Variants in SLC22A13 observed in about 807,000 individuals in gnomAD.
SLC22A13 encodes the protein solute carrier family 22 member 13, also known as organic anion transporter 10.
SLC22A13 carries 42 observed loss-of-function variants against 49.1 expected under a neutral mutation model. The observed-to-expected ratio is 0.85, with a 90% confidence interval of 0.67 to 1.11. The LOEUF (loss-of-function observed/expected upper bound fraction) is 1.11, where lower values mean the gene tolerates loss of function less well. Ranked by LOEUF, SLC22A13 falls within the 50% of genes least tolerant of loss-of-function variation. SLC22A13 has a pLI of 0.00. For synonymous variants in SLC22A13, 282 were observed against 293.1 expected, an observed-to-expected ratio of 0.96 and a Z score of 0.39; for missense variants, 694 against 712.8, an observed-to-expected ratio of 0.97 and a Z score of 0.30.
Position 38,275,843 on chromosome 3 carries a change from G to A in SLC22A13, c.1023-39G>A, listed in dbSNP as rs180732361. ...AGGCTCTCCCTCTGGGTGGTGTCTCGTCACCCAGCAGTGACAGGAACCCTT... is the reference window on the plus strand; with the variant it reads ...AGGCTCTCCCTCTGGGTGGTGTCTCATCACCCAGCAGTGACAGGAACCCTT... On this transcript the variant is annotated intron_variant, in intron 6 of 9. Coordinates refer to ENST00000311856, the MANE Select transcript of SLC22A13 (RefSeq NM_004256.4). 1,063 of 1,583,596 alleles carry A rather than the reference G, an allele frequency of 6.7e-4. 5 individuals carry two copies. The highest frequency in any genetic ancestry group is 1.7e-3 in the Middle Eastern group (10 of 5,942).
At chr3:38,266,455 A>G (rs1703465642) in intron 1 of SLC22A13, among the ~76,000 whole-genome samples, 1 of 152,038 alleles carries the variant, frequency 6.6e-6, no homozygotes, top group African/African-American at 2.4e-5. Flanking sequence ...CTGTCTGCCC[A>G]TCTGTCCATT....
intron 1 of SLC22A13, among the ~76,000 whole-genome samples, chr3:38,269,112 C>T (rs184756658): frequency 5.5e-4 from 84 of 152,202 alleles, no homozygotes; most frequent in Non-Finnish European, 9.9e-4. Context: ...ACAGAACAAA[C>T]GAGTACTGAT....
chr3:38,266,086 A>C lies in SLC22A13; in HGVS notation c.226A>C (p.Thr76Pro). 6.2e-7 allele frequency: 1 copy of C among 1,614,154 alleles called. No homozygotes were observed. The highest frequency in any genetic ancestry group is 1.1e-5 in the South Asian group (1 of 91,080). Residue 76 changes from threonine to proline, a missense_variant, in exon 1 of 10, where the codon ACT (threonine) becomes CCT (proline). Transcript: ENST00000311856. Reference sequence around the variant, plus strand: ...GCTGGTACTGAGCGTGCCCCTGGACACTGCAGGTCACCCAGAGCCCTGCCT... The same window carrying C: ...GCTGGTACTGAGCGTGCCCCTGGACCCTGCAGGTCACCCAGAGCCCTGCCT... The part of the protein sequence containing the change: ...EQLVLSVPLD[T>P]AGHPEPCLMF...
At chr3:38,274,927 C>T in intron 3 of SLC22A13, 62 bp from the exon 4 acceptor site, 1 of 1,592,328 alleles carries the variant, frequency 6.3e-7, no homozygotes, top group Non-Finnish European at 8.6e-7. Flanking sequence ...AGGGTGGCAT[C>T]TAGGAGTAAT....
rs561894837 is a variant in SLC22A13, at chr3:38,266,306, G to A, written c.378+68G>A. The A allele has an allele frequency of 1.0e-5, 16 of 1,553,176 alleles. No individual in the cohort carries two copies. The East Asian group carries it at 1.8e-4, about 18-fold the overall frequency. On this transcript the variant is annotated intron_variant, in intron 1 of 9. Coordinates refer to ENST00000311856, the MANE Select transcript of SLC22A13 (RefSeq NM_004256.4). ...TGTCAGGTCTTGTGCCTGACTCTTC[G>A]CCCTCAGTCACTGGCTCTGTATCTG...
intron 1 of SLC22A13, among the ~76,000 whole-genome samples, chr3:38,266,868 C>T (rs753032828): frequency 1.3e-5 from 2 of 152,184 alleles, no homozygotes; most frequent in Non-Finnish European, 2.9e-5. Context: ...ATCCTAGCCA[C>T]CTCCGAGCAA....
intron 1 of SLC22A13, among the ~76,000 whole-genome samples, chr3:38,271,165 A>G (rs1703515854): frequency 6.6e-6 from 1 of 152,236 alleles, no homozygotes; most frequent in African/African-American, 2.4e-5. Flanking sequence ...AACAATACTA[A>G]TTTGAAAAGA....
rs1703585258 is a variant in SLC22A13 at position 38,276,402 on chromosome 3, G to C, written c.1346+7G>C. ...TTTTCCCCACCATCCTCCGGTAAGA[G>C]CTGCAGTGTGACTCCTGCTCCTCTG... On this transcript the variant is annotated splice_region_variant and intron_variant, in intron 8 of 9. Transcript: ENST00000311856. 1 of 1,583,934 alleles carries C rather than the reference G, an allele frequency of 6.3e-7. No individual in the cohort carries two copies. Among genetic ancestry groups the C allele is most frequent in the Admixed American group, 1.7e-5 (1 of 59,278 alleles).
chr3:38,267,227 C>T (rs1431197584), intron 1 of SLC22A13, among the ~76,000 whole-genome samples: 2 of 152,180 alleles, frequency 1.3e-5, no homozygotes, highest in Non-Finnish European at 2.9e-5. Flanking sequence ...TTAACTTTCA[C>T]TTTTTAATGT....
intron 8 of SLC22A13, 142 bp downstream of exon 8, chr3:38,276,537 G>A: frequency 1.6e-6 from 1 of 640,456 alleles, no homozygotes; most frequent in Non-Finnish European, 2.7e-6. Flanking sequence ...AGGACAACTA[G>A]AAATCTAGCC....
At chr3:38,268,094 C>T (rs756595139) in intron 1 of SLC22A13, among the ~76,000 whole-genome samples, 17 of 152,114 alleles carry the variant, frequency 1.1e-4, no homozygotes, top group South Asian at 2.1e-4. Context: ...CATTGGTTAA[C>T]GCTAAGGTAA....
intron 1 of SLC22A13, among the ~76,000 whole-genome samples, chr3:38,271,962 G>T (rs1703527842): frequency 6.6e-6 from 1 of 152,158 alleles, no homozygotes; most frequent in East Asian, 1.9e-4. Flanking sequence ...CATCCACTGT[G>T]GGTGTTGGGG....
At chr3:38,274,494 C>G (rs1023496095) in intron 2 of SLC22A13, 110 bp from the exon 3 acceptor site, 3 of 1,458,080 alleles carry the variant, frequency 2.1e-6, no homozygotes, top group Non-Finnish European at 2.9e-6. Context: ...CCCCTACCCT[C>G]AAATGGGGCT....
intron 1 of SLC22A13, among the ~76,000 whole-genome samples, chr3:38,267,913 G>A (rs1703480242): frequency 6.6e-6 from 1 of 152,190 alleles, no homozygotes; most frequent in Admixed American, 6.5e-5. Context: ...GCAGCAGGAA[G>A]CAGGCAGGAT....
chr3:38,269,628 G>A (rs970856349), intron 1 of SLC22A13, among the ~76,000 whole-genome samples: 1 of 152,156 alleles, frequency 6.6e-6, no homozygotes, highest in Admixed American at 6.5e-5. Flanking sequence ...AGCTGAAAGG[G>A]CTTTGGAGAG....
chr3:38,275,500 GCAGGCC>G lies in SLC22A13; in HGVS notation c.927+26_927+31del, dbSNP rs756916832. ...GGAGCTCATGAACCAGGTACTTCCA[GCAGGCC>G]CAGGCCCAGGCCCAGAATCAGACCC... On this transcript the variant is annotated intron_variant, in intron 5 of 9. Coordinates refer to ENST00000311856, the MANE Select transcript of SLC22A13 (RefSeq NM_004256.4). The G allele has an allele frequency of 4.5e-5, 73 of 1,614,074 alleles. No homozygotes were observed. The highest frequency in any genetic ancestry group is 6.0e-5 in the Non-Finnish European group (71 of 1,180,032).
In SLC22A13 at chr3:38,278,684, G is replaced by A. The variant is rs147654673; in HGVS notation, c.*1219G>A. ...AAAATACAAAAATTAGCCCTATATG[G>A]TGGTGCATGCCTGTAATCCCAGCTA... On this transcript the variant is annotated 3_prime_UTR_variant, in exon 10 of 10. Transcript: ENST00000311856. 7.3e-3 allele frequency among the ~76,000 whole-genome samples: 1,109 copies of A among 152,164 alleles called. 17 individuals carry two copies. The highest frequency in any genetic ancestry group is 0.025 in the African/African-American group (1,042 of 41,510).
intron 3 of SLC22A13, 59 bp downstream of exon 3, chr3:38,274,817 G>T (rs911346764): frequency 1.3e-6 from 2 of 1,567,596 alleles, no homozygotes; most frequent in Non-Finnish European, 1.7e-6. Flanking sequence ...GCCTGGGAGG[G>T]CCACAGCCCC....
At chr3:38,277,342 C>T (rs1209398652) in intron 9 of SLC22A13, 30 bp from the exon 10 acceptor site, 19 of 1,533,564 alleles carry the variant, frequency 1.2e-5, no homozygotes, top group East Asian at 2.3e-5. Context: ...AATTCCTGGG[C>T]AGCCAATGAC....
Sources: allele counts gnomAD v4.1 joint callset (sites outside exome capture counted in the v4.1 genomes callset), GRCh38; gene constraint gnomAD v4.1.1; transcripts MANE v1.5; gene names NCBI Gene and HGNC (gene_info 2026-07-23, HGNC 2026-07-21).